The following DLG2 variants were observed in gnomAD, a reference collection of about 807,000 sequenced individuals.
DLG2 encodes the protein discs large MAGUK scaffold protein 2, also known as disks large homolog 2.
In DLG2, 45 loss-of-function variants were observed where a neutral mutation model predicts 132.5. That is an observed-to-expected ratio of 0.34 (90% CI 0.27 to 0.44). DLG2 has a LOEUF of 0.44. Ranked by LOEUF, DLG2 falls within the 20% of genes least tolerant of loss-of-function variation. The pLI, the probability that DLG2 is intolerant of heterozygous loss-of-function variation, is 1.00. For missense variants in DLG2, 1,045 were observed against 1,196.9 expected, an observed-to-expected ratio of 0.87 and a Z score of 1.87; for synonymous variants, 424 against 419.6, an observed-to-expected ratio of 1.01 and a Z score of -0.13.
At chr11:84,572,117 T>C (rs928559077) in intron 6 of DLG2, among the ~76,000 whole-genome samples, 1 of 152,070 alleles carries the variant, frequency 6.6e-6, no homozygotes, top group African/African-American at 2.4e-5. Context: ...GTGCACAAAG[T>C]GCAGGTTTGT....
intron 3 of DLG2, among the ~76,000 whole-genome samples, chr11:85,585,044 G>A (rs912593902): frequency 2.0e-5 from 3 of 152,094 alleles, no homozygotes; most frequent in Non-Finnish European, 4.4e-5. Context: ...TGTTGCATTT[G>A]CTTTTGGGTT....
rs1326707376 is a variant in DLG2, at chr11:85,351,554, A to T, written c.41-66189T>A. ...ATGATATTGGCTGTGGGTTTGTCAT[A>T]AATAGCTCTTATTATTTTGAGATAC... is the stretch of plus-strand genomic sequence containing the variant. On this transcript the variant is annotated intron_variant, in intron 3 of 27. Coordinates refer to ENST00000376104, the MANE Select transcript of DLG2 (RefSeq NM_001142699.3). Among the ~76,000 whole-genome samples, 3 of 152,186 alleles carry T rather than the reference A, an allele frequency of 2.0e-5. No individual in the cohort carries two copies. In the East Asian group the frequency reaches 5.8e-4, roughly 29 times the overall value.
intron 19 of DLG2, among the ~76,000 whole-genome samples, chr11:83,569,733 A>G (rs1430915291): frequency 6.6e-6 from 1 of 152,234 alleles, no homozygotes; most frequent in Non-Finnish European, 1.5e-5. Context: ...AGGACATGTC[A>G]CACAACAAAG....
intron 7 of DLG2, among the ~76,000 whole-genome samples, chr11:84,351,142 T>C (rs1474222178): frequency 1.1e-4 from 16 of 152,184 alleles, no homozygotes; most frequent in African/African-American, 3.6e-4. Flanking sequence ...AAAAAGTTTA[T>C]TTCAAATCTT....
chr11:83,499,011 A>G (rs1472257519), intron 21 of DLG2, among the ~76,000 whole-genome samples: 1 of 152,140 alleles, frequency 6.6e-6, no homozygotes, highest in Non-Finnish European at 1.5e-5. Context: ...ATCAAGAAAA[A>G]ATTAAAACGC....
intron 7 of DLG2, among the ~76,000 whole-genome samples, chr11:84,350,194 A>C (rs2098557630): frequency 6.6e-6 from 1 of 151,128 alleles, no homozygotes. Context: ...CAAAAAAAAA[A>C]AAAAAAAATC....
chr11:83,970,153 G>T (rs1196017513), intron 12 of DLG2, among the ~76,000 whole-genome samples: 1 of 152,158 alleles, frequency 6.6e-6, no homozygotes, highest in African/African-American at 2.4e-5. Context: ...AGGGCTCATT[G>T]TCTCTCTCCT....
At chr11:84,972,629 A>C (rs1271177605) in intron 6 of DLG2, among the ~76,000 whole-genome samples, 1 of 152,248 alleles carries the variant, frequency 6.6e-6, no homozygotes, top group African/African-American at 2.4e-5. Context: ...CTTAACACTA[A>C]CAGAAGGTGC....
chr11:84,196,748 A>G (rs1399128082), intron 8 of DLG2, among the ~76,000 whole-genome samples: 2 of 152,216 alleles, frequency 1.3e-5, no homozygotes, highest in African/African-American at 4.8e-5. Context: ...GTTAGAAATT[A>G]AAATAATGAT....
In DLG2 at chr11:84,364,349, T is replaced by C. The variant is rs545297003; in HGVS notation, c.520-113058A>G. Reference sequence around the variant, plus strand: ...TGTATAAGAATGCTTGTGATTTTTGTACATTGATTTTGTATCCTGAGACTT... The same window carrying C: ...TGTATAAGAATGCTTGTGATTTTTGCACATTGATTTTGTATCCTGAGACTT... On this transcript the variant is annotated intron_variant, in intron 7 of 27. Coordinates refer to ENST00000376104, the MANE Select transcript of DLG2 (RefSeq NM_001142699.3). Among the ~76,000 whole-genome samples, 8 of 152,128 alleles carry C rather than the reference T, an allele frequency of 5.3e-5. No individual in the cohort carries two copies. The South Asian group carries it at 1.2e-3, about 24-fold the overall frequency.
intron 7 of DLG2, among the ~76,000 whole-genome samples, chr11:84,424,738 G>T (rs1305120297): frequency 5.3e-5 from 8 of 152,064 alleles, no homozygotes; most frequent in Non-Finnish European, 1.2e-4. Context: ...GGGGTGGGTA[G>T]AAGGACATTA....
intron 6 of DLG2, among the ~76,000 whole-genome samples, chr11:84,936,100 T>G (rs1475260301): frequency 2.0e-5 from 3 of 152,164 alleles, no homozygotes; most frequent in Non-Finnish European, 4.4e-5. Flanking sequence ...TATTAAAAAG[T>G]AAATTAACGG....
chr11:84,141,337 AAAC>A (rs781464659), intron 9 of DLG2, among the ~76,000 whole-genome samples: 18 of 151,778 alleles, frequency 1.2e-4, no homozygotes, highest in Non-Finnish European at 2.4e-4. Flanking sequence ...AATATATATG[AAAC>A]AACATACTTA....
chr11:84,696,974 A>G (rs1046872591), intron 6 of DLG2, among the ~76,000 whole-genome samples: 4 of 151,440 alleles, frequency 2.6e-5, no homozygotes, highest in African/African-American at 9.7e-5. Flanking sequence ...AAAATATTAA[A>G]GAGATTGACT....
chr11:85,523,007 G>C (rs189041054), intron 3 of DLG2, among the ~76,000 whole-genome samples: 1 of 152,136 alleles, frequency 6.6e-6, no homozygotes, highest in Non-Finnish European at 1.5e-5. Context: ...AGGAGACAGG[G>C]GCAGAATGAT....
At chr11:84,300,779 A>G (rs1328495876) in intron 7 of DLG2, among the ~76,000 whole-genome samples, 1 of 152,236 alleles carries the variant, frequency 6.6e-6, no homozygotes, top group Non-Finnish European at 1.5e-5. Context: ...TAACCTATCA[A>G]ATTAATAAAG....
At position 84,453,427 on chromosome 11, in the gene DLG2, GA is replaced by G. The variant is rs1319101240; in HGVS notation, c.519+81142del. On this transcript the variant is annotated intron_variant, in intron 7 of 27. Coordinates refer to ENST00000376104, the MANE Select transcript of DLG2 (RefSeq NM_001142699.3). The stretch of plus-strand genomic sequence containing the variant: ...ATTTTCCTAGAGTTTAAGCTTGGTA[GA>G]AAAGGTAGTAAGGCTAGAAGAGAAA... Among the ~76,000 whole-genome samples, 3 of 151,730 alleles carry G rather than the reference GA, an allele frequency of 2.0e-5. No individual in the cohort carries two copies. The East Asian group carries it at 5.8e-4, about 29-fold the overall frequency.
At chr11:84,830,944 T>C (rs1198269416) in intron 6 of DLG2, among the ~76,000 whole-genome samples, 4 of 114,516 alleles carry the variant, frequency 3.5e-5, no homozygotes, top group East Asian at 2.4e-4. Flanking sequence ...GCAGTCTCTC[T>C]CTCTCCTCCC....
chr11:84,121,541 A>ATTTTTTTTTTTTTTTTTTT (rs869183421), intron 9 of DLG2, among the ~76,000 whole-genome samples: 3 of 66,670 alleles, frequency 4.5e-5, no homozygotes, highest in Non-Finnish European at 8.4e-5. Context: ...TTCCTTGCTA[A>ATTTTTTTTTTTTTTTTTTT]TTTTTTTTTT....
Sources: gnomAD v4.1 joint callset for allele counts (sites outside exome capture counted in the v4.1 genomes callset) on GRCh38, gnomAD v4.1.1 for gene constraint, MANE v1.5 for transcripts, NCBI Gene and HGNC (gene_info 2026-07-23, HGNC 2026-07-21) for gene names.